Variants in SAMMSON observed in about 807,000 individuals in gnomAD.
SAMMSON encodes the protein survival associated mitochondrial melanoma specific oncogenic non-coding RNA, also known as long intergenic non-protein coding RNA 1212.
chr3:70,114,424 A>G (rs544232535), intron 4 of SAMMSON, among the ~76,000 whole-genome samples: 13 of 152,358 alleles, frequency 8.5e-5, no homozygotes, highest in African/African-American at 3.1e-4. Context: ...ATAAATCAAC[A>G]TTGAAAGTGA....
chr3:70,286,778 C>A (rs542864046), intron 6 of SAMMSON, among the ~76,000 whole-genome samples: 1 of 152,152 alleles, frequency 6.6e-6, no homozygotes, highest in South Asian at 2.1e-4. Context: ...CCTTCACATC[C>A]CTTATAAGTT....
intron 9 of SAMMSON, among the ~76,000 whole-genome samples, chr3:70,378,092 C>A (rs937155444): frequency 6.6e-6 from 1 of 151,642 alleles, no homozygotes; most frequent in South Asian, 2.1e-4. Flanking sequence ...TTCAGAGAAT[C>A]TTTTCTATCA....
At chr3:70,412,265 A>G (rs1005263439) in intron 2 of SAMMSON, among the ~76,000 whole-genome samples, 1 of 152,220 alleles carries the variant, frequency 6.6e-6, no homozygotes, top group Non-Finnish European at 1.5e-5. Flanking sequence ...ACATTATGTC[A>G]TATGTACATC....
chr3:70,011,176 A>G (rs903166244), intron 1 of SAMMSON, among the ~76,000 whole-genome samples: 4 of 152,122 alleles, frequency 2.6e-5, no homozygotes, highest in South Asian at 2.1e-4. Flanking sequence ...GGTGCATGCT[A>G]TCATCTGTTT....
intron 6 of SAMMSON, among the ~76,000 whole-genome samples, chr3:70,264,821 A>G (rs1334771442): frequency 6.6e-6 from 1 of 152,206 alleles, no homozygotes; most frequent in Non-Finnish European, 1.5e-5. Flanking sequence ...GTGTAGGGAC[A>G]TCGGGGATGT....
chr3:70,263,818 C>G (rs987355269), intron 6 of SAMMSON, among the ~76,000 whole-genome samples: 8 of 152,070 alleles, frequency 5.3e-5, no homozygotes, highest in Non-Finnish European at 1.2e-4. Flanking sequence ...TATCACAGTC[C>G]AGAAATTACT....
intron 4 of SAMMSON, among the ~76,000 whole-genome samples, chr3:70,091,982 G>A (rs1044730085): frequency 1.3e-5 from 2 of 151,910 alleles, no homozygotes; most frequent in African/African-American, 2.4e-5. Flanking sequence ...TTTTTGTTTT[G>A]TTTTGTTTTA....
At chr3:70,428,098 G>T (rs1701386186) in intron 2 of SAMMSON, among the ~76,000 whole-genome samples, 1 of 152,038 alleles carries the variant, frequency 6.6e-6, no homozygotes, top group Admixed American at 6.6e-5. Context: ...AGAAATTAAA[G>T]AAAATTTAAA....
chr3:70,404,741 C>T (rs918928714), intron 2 of SAMMSON, among the ~76,000 whole-genome samples: 6 of 152,120 alleles, frequency 3.9e-5, no homozygotes, highest in Non-Finnish European at 8.8e-5. Flanking sequence ...GCAAGCCCTA[C>T]GACTGCCCTG....
intron 2 of SAMMSON, among the ~76,000 whole-genome samples, chr3:70,407,824 A>AGCAGGGGGCG (rs1701188612): frequency 1.3e-5 from 2 of 152,148 alleles, no homozygotes; most frequent in South Asian, 4.1e-4. Flanking sequence ...AGCAGGGGGC[A>AGCAGGGGGCG]GAGCCCCAGT....
intron 4 of SAMMSON, among the ~76,000 whole-genome samples, chr3:70,101,826 G>A (rs953995747): frequency 6.6e-5 from 10 of 152,176 alleles, no homozygotes; most frequent in South Asian, 4.1e-4. Flanking sequence ...AATTAATAAC[G>A]AAACTAAAAT....
chr3:70,329,038 A>G (rs1405079436), intron 7 of SAMMSON, among the ~76,000 whole-genome samples: 1 of 152,196 alleles, frequency 6.6e-6, no homozygotes, highest in Non-Finnish European at 1.5e-5. Flanking sequence ...AAATATTGAA[A>G]GAAAAGAAAT....
Position 70,328,634 on chromosome 3 carries a change from TA to T in SAMMSON, n.740-25536del, listed in dbSNP as rs545510876. 1.4e-4 allele frequency among the ~76,000 whole-genome samples: 22 copies of T among 152,232 alleles called. No individual in the cohort carries two copies. The South Asian group carries it at 4.4e-3, about 30-fold the overall frequency. On this transcript the variant is annotated intron_variant and non_coding_transcript_variant, in intron 7 of 9. Transcript: ENST00000642114. ...TTATCCAAAATAAAAACACAGATTT[TA>T]AAAATGACTGAAAAATAAGGAATTG...
At chr3:70,039,270 G>A (rs2067097299) in intron 3 of SAMMSON, among the ~76,000 whole-genome samples, 1 of 152,100 alleles carries the variant, frequency 6.6e-6, no homozygotes, top group African/African-American at 2.4e-5. Flanking sequence ...GGGAGGGACT[G>A]GGAGGAACCT....
intron 3 of SAMMSON, among the ~76,000 whole-genome samples, chr3:70,043,763 A>G (rs1267562594): frequency 1.3e-5 from 2 of 152,100 alleles, no homozygotes; most frequent in African/African-American, 4.8e-5. Context: ...TATTCATTCA[A>G]TGTATTAAAA....
chr3:70,380,902 C>T (rs1703061072), intron 9 of SAMMSON, among the ~76,000 whole-genome samples: 1 of 152,142 alleles, frequency 6.6e-6, no homozygotes, highest in South Asian at 2.1e-4. Context: ...CATAGTATTC[C>T]ATGGTGTATA....
intron 9 of SAMMSON, among the ~76,000 whole-genome samples, chr3:70,358,757 A>C (rs1475935781): frequency 6.6e-6 from 1 of 152,166 alleles, no homozygotes; most frequent in East Asian, 1.9e-4. Flanking sequence ...ATTTATTTCA[A>C]TAATTTCCTG....
chr3:70,177,387 G>A (rs976241393), intron 4 of SAMMSON, among the ~76,000 whole-genome samples: 3 of 152,136 alleles, frequency 2.0e-5, no homozygotes, highest in African/African-American at 7.2e-5. Context: ...CCAGAAGGTA[G>A]AAAACACAGA....
intron 1 of SAMMSON, among the ~76,000 whole-genome samples, chr3:70,003,900 G>A (rs1397787825): frequency 6.6e-6 from 1 of 151,950 alleles, no homozygotes; most frequent in Non-Finnish European, 1.5e-5. Flanking sequence ...TAATTTGCCA[G>A]TTTGACAGGT....
Sources: gnomAD v4.1 joint callset for allele counts (sites outside exome capture counted in the v4.1 genomes callset) on GRCh38, gnomAD v4.1.1 for gene constraint, MANE v1.5 for transcripts, NCBI Gene and HGNC (gene_info 2026-07-23, HGNC 2026-07-21) for gene names.